The following CFAP99 variants were observed in gnomAD, a reference collection of about 807,000 sequenced individuals.
The protein encoded by CFAP99 is cilia- and flagella-associated protein 99.
A neutral mutation model predicts 82.7 loss-of-function variants in CFAP99; 84 were observed. The observed-to-expected ratio is 1.02, with a 90% CI of 0.85 to 1.22. The LOEUF (loss-of-function observed/expected upper bound fraction) is 1.22, where lower values mean the gene tolerates loss of function less well. CFAP99 is among the 50% of genes most tolerant of loss of function. CFAP99 has a pLI of 0.00. For synonymous variants in CFAP99, 456 were observed against 429.5 expected (o/e 1.06, Z -0.76); for missense variants, 1,059 against 983.5 (o/e 1.08, Z -1.03).
At chr4:2,438,102 G>A (rs1429579200) in exon 4 of CFAP99, 1 of 1,535,508 alleles carries the variant, frequency 6.5e-7, no homozygotes, top group Non-Finnish European at 8.7e-7. Flanking sequence ...CCTGCTGGAG[G>A]AACTCGGCTT....
At chr4:2,459,170 A>G (rs1734513457) in exon 13 of CFAP99, 4 of 1,535,534 alleles carry the variant, frequency 2.6e-6, no homozygotes, top group Non-Finnish European at 3.5e-6. Context: ...GCCCAGGAGG[A>G]GCAGCGGCGC....
At chr4:2,436,540 G>C (rs909113915) in intron 2 of CFAP99, among the ~76,000 whole-genome samples, 2 of 152,280 alleles carry the variant, frequency 1.3e-5, no homozygotes, top group East Asian at 3.9e-4. Context: ...TCTCATGCCC[G>C]CTGGCCCCTG....
In CFAP99 at chr4:2,436,520, A is replaced by G. The variant is rs1252606732; in HGVS notation, c.112-354A>G. The stretch of plus-strand genomic sequence containing the variant: ...CCGAGCGAACTGAAGCTCTGTCTGC[A>G]TTAGGCGACTCTCATGCCCGCTGGC... On this transcript the variant is annotated intron_variant, in intron 2 of 14. Transcript: ENST00000635017. Among the ~76,000 whole-genome samples the G allele has an allele frequency of 3.3e-5, 5 of 152,194 alleles. No homozygotes were observed. The South Asian group carries it at 6.2e-4, about 19-fold the overall frequency.
chr4:2,460,229 T>G, exon 14 of CFAP99: 1 of 1,535,924 alleles, frequency 6.5e-7, no homozygotes, highest in Non-Finnish European at 8.7e-7. Context: ...CATGGGGAGA[T>G]CCGCAGCCTT....
chr4:2,442,851 C>A (rs1281003694), intron 4 of CFAP99, among the ~76,000 whole-genome samples: 1 of 151,126 alleles, frequency 6.6e-6, no homozygotes, highest in Non-Finnish European at 1.5e-5. Context: ...CAGAAGCACA[C>A]CCTGCGCGGT....
intron 14 of CFAP99, 135 bp downstream of exon 14, chr4:2,460,377 C>A (rs1405172640): frequency 1.4e-6 from 1 of 736,474 alleles, no homozygotes; most frequent in African/African-American, 1.7e-5. Context: ...GCCGTAACTC[C>A]CCTGACCCCT....
At chr4:2,424,045 G>A (rs990776864) in intron 1 of CFAP99, among the ~76,000 whole-genome samples, 11 of 152,244 alleles carry the variant, frequency 7.2e-5, no homozygotes, top group South Asian at 2.1e-4. Flanking sequence ...ATTCCAAGCG[G>A]CCTTTCTTCT....
intron 1 of CFAP99, among the ~76,000 whole-genome samples, chr4:2,423,439 GC>G (rs2108707194): frequency 6.6e-6 from 1 of 152,306 alleles, no homozygotes; most frequent in East Asian, 1.9e-4. Flanking sequence ...TGCTCAGTGG[GC>G]CTCCTGGGCC....
In CFAP99 at chr4:2,442,987, T is replaced by TG. The variant is rs1200187921; in HGVS notation, c.352-139dup. ...GGGGCCTTGGGGGCAGGGAGCTCACTGGGGTGCTGGGGGCCTTGGGGGGAG... is the reference window on the plus strand; with the variant it reads ...GGGGCCTTGGGGGCAGGGAGCTCACTGGGGGTGCTGGGGGCCTTGGGGGGAG... On this transcript the variant is annotated intron_variant, in intron 4 of 14. Transcript: ENST00000635017. The TG allele has an allele frequency of 1.4e-4, 37 of 272,542 alleles. 1 individual carries two copies. The highest frequency in any genetic ancestry group is 3.2e-4 in the African/African-American group (3 of 9,356). 16.9% of individuals were successfully genotyped at this position (272,542 alleles called of 1,614,324 possible).
exon 12 of CFAP99, chr4:2,458,814 A>G: frequency 2.0e-6 from 3 of 1,535,960 alleles, no homozygotes; most frequent in Non-Finnish European, 2.6e-6. Context: ...GAGGGGCAGA[A>G]GAACGCCAAG....
intron 1 of CFAP99, among the ~76,000 whole-genome samples, chr4:2,423,325 G>A (rs1733621236): frequency 1.3e-5 from 2 of 152,246 alleles, no homozygotes; most frequent in African/African-American, 2.4e-5. Flanking sequence ...GGACCCTCCC[G>A]AGGAGAGGGG....
chr4:2,431,368 C>CAA lies in CFAP99; in HGVS notation c.111+4793_111+4794dup, dbSNP rs11375526. Among the ~76,000 whole-genome samples, 558 of 145,304 alleles carry CAA rather than the reference C, an allele frequency of 3.8e-3. 2 individuals are homozygous for CAA. The highest frequency in any genetic ancestry group is 0.032 in the East Asian group (160 of 4,980). On this transcript the variant is annotated intron_variant, in intron 2 of 14. Coordinates refer to ENST00000635017, the Ensembl canonical transcript of CFAP99. ...TGGGCGACAGAGCAAGACTCTGTCT[C>CAA]AAAAAAAAAAAAGTTGAAATTCTAA... is the stretch of plus-strand genomic sequence containing the variant.
At chr4:2,421,450 G>T (rs1201702725) in intron 1 of CFAP99, among the ~76,000 whole-genome samples, 2 of 143,718 alleles carry the variant, frequency 1.4e-5, no homozygotes, top group African/African-American at 5.0e-5. Context: ...TGCCTCCCGG[G>T]TTCAAGCAAT....
At chr4:2,423,888 G>T (rs1036609470) in intron 1 of CFAP99, among the ~76,000 whole-genome samples, 3 of 151,742 alleles carry the variant, frequency 2.0e-5, no homozygotes, top group Admixed American at 6.5e-5. Context: ...GACATGGGGT[G>T]GGGGGAGGGG....
Position 2,426,816 on chromosome 4 carries a change from A to G in CFAP99, c.111+230A>G, listed in dbSNP as rs189979388. On this transcript the variant is annotated intron_variant, in intron 2 of 14. Coordinates refer to ENST00000635017, the Ensembl canonical transcript of CFAP99. Reference sequence around the variant, plus strand: ...AGAAGCCTTGGCCGGGACCCGGGATATGACATCCACACTGCGGTTCCATCC... The same window carrying G: ...AGAAGCCTTGGCCGGGACCCGGGATGTGACATCCACACTGCGGTTCCATCC... 75 of 531,850 alleles carry G rather than the reference A, an allele frequency of 1.4e-4. No individual in the cohort carries two copies. In the East Asian group the frequency reaches 2.3e-3, roughly 16 times the overall value. 32.9% of individuals were successfully genotyped at this position (531,850 alleles called of 1,614,324 possible).
Position 2,437,014 on chromosome 4 carries a change from C to T in CFAP99, c.252C>T (p.Phe84=), listed in dbSNP as rs112847652. ...GCCTGCGGGTTGACCACAGCCGCTT[C>T]GAGGGTAGGTGCCTGGCTGGTCCCC... Residue 84 remains phenylalanine (F), a synonymous_variant, in exon 3 of 15, where the codon TTC becomes TTT. Transcript: ENST00000635017. 1.5e-5 allele frequency: 23 copies of T among 1,535,978 alleles called. 2 individuals carry two copies. Among genetic ancestry groups the T allele is most frequent in the African/African-American group, 6.8e-5 (5 of 73,166 alleles).
Position 2,446,780 on chromosome 4 carries a change from GGATT to G in CFAP99, c.642+1473_642+1476del, listed in dbSNP as rs1734174685. On this transcript the variant is annotated intron_variant, in intron 6 of 14. Coordinates refer to ENST00000635017, the Ensembl canonical transcript of CFAP99. The surrounding 1 kb of genome is among the most constrained non-coding windows in gnomAD (Gnocchi z 5.0). ...CAGTTGGATGGATGGATGGGTGGAT[GGATT>G]ATCAGATGGATGGTAGATGGATGGG... 6.6e-6 allele frequency among the ~76,000 whole-genome samples: 1 copy of G among 152,244 alleles called. No homozygotes were observed. Among genetic ancestry groups the G allele is most frequent in the Non-Finnish European group, 1.5e-5 (1 of 68,018 alleles).
exon 3 of CFAP99, chr4:2,436,913 C>A: frequency 2.0e-6 from 3 of 1,536,046 alleles, no homozygotes; most frequent in Non-Finnish European, 1.7e-6. Context: ...TTTGGAGGTT[C>A]TGTCTGGGTG....
chr4:2,462,682 G>C lies in CFAP99; in HGVS notation c.1901G>C (p.Gly634Ala), dbSNP rs1383280138. 3.2e-6 allele frequency: 4 copies of C among 1,259,830 alleles called. No individual in the cohort carries two copies. Among genetic ancestry groups the C allele is most frequent in the Non-Finnish European group, 4.0e-6 (4 of 1,003,468 alleles). The allele number at this position is 1,259,830 out of a possible 1,614,324, so 78.0% of individuals were successfully genotyped here. A position where few individuals can be genotyped will look rare whatever the true frequency, so the allele number is the denominator to read the frequency against. ...TGGGGATGGCGGGCGCGGCGCGCAG[G>C]GACCGGCGTCCCGGGGCGGGGATGG... Residue 634 changes from glycine to alanine, a missense_variant, in exon 15 of 15, where the codon GGG (glycine) becomes GCG (alanine). By Grantham distance (60) the Gly-to-Ala change is moderately conservative (BLOSUM62 0). Coordinates refer to ENST00000635017, the Ensembl canonical transcript of CFAP99. This position sits in a 1 kb window ranked among gnomAD's most constrained non-coding sequence, Gnocchi z 4.1.
Sources: gnomAD v4.1 joint callset for allele counts (sites outside exome capture counted in the v4.1 genomes callset) on GRCh38, gnomAD v4.1.1 for gene constraint, Gnocchi (gnomAD v3.1) non-coding constraint, MANE v1.5 for transcripts, NCBI Gene and HGNC (gene_info 2026-07-23, HGNC 2026-07-21) for gene names.